The following BTNL9 variants were observed in gnomAD, a reference collection of about 807,000 sequenced individuals.
The protein encoded by BTNL9 is butyrophilin like 9, also known as butyrophilin-like protein 9.
Under a neutral mutation model 45.8 loss-of-function variants are expected in BTNL9, and 45 were observed. The ratio of observed to expected loss-of-function variants is 0.98; its 90% CI spans 0.77 to 1.26. The LOEUF (loss-of-function observed/expected upper bound fraction) is 1.26. Ranked by LOEUF, BTNL9 falls within the 50% of genes most tolerant of loss-of-function variation. The pLI is 0.00. For missense variants in BTNL9, 784 were observed against 729.7 expected (o/e 1.07, Z -0.86); for synonymous variants, 346 against 330.8 (o/e 1.05, Z -0.50).
chr5:181,058,296 C>T, intron 9 of BTNL9, 56 bp from the exon 10 acceptor site: 1 of 1,603,716 alleles, frequency 6.2e-7, no homozygotes, highest in Non-Finnish European at 8.5e-7. Flanking sequence ...CGTTAAGGTT[C>T]CAGAGTTACT....
At chr5:181,051,070 A>C (rs1451799807) in intron 4 of BTNL9, among the ~76,000 whole-genome samples, 2 of 138,520 alleles carry the variant, frequency 1.4e-5, no homozygotes, top group Non-Finnish European at 3.1e-5. Flanking sequence ...CAGAGCGAGA[A>C]TCCGTCTCAA....
In BTNL9 at chr5:181,048,017, C is replaced by T. The variant is rs1761274920; in HGVS notation, c.200C>T (p.Ala67Val). ...FPCHLWPQLD[A>V]QQMEIRWFRS... The stretch of plus-strand genomic sequence containing the variant: ...TGCCACCTATGGCCACAGCTGGATG[C>T]CCAGCAAATGGAGATCCGCTGGTTC... Residue 67 changes from alanine (A) to valine (V), a missense_variant, in exon 3 of 11, where the codon GCC becomes GTC. By Grantham distance (64) the Ala-to-Val change is moderately conservative (BLOSUM62 0). Transcript: ENST00000327705. The T allele has an allele frequency of 6.2e-7, 1 of 1,613,714 alleles. No homozygotes were observed. Among genetic ancestry groups the T allele is most frequent in the Admixed American group, 1.7e-5 (1 of 59,994 alleles).
chr5:181,046,825 G>A (rs1017104698), intron 2 of BTNL9, among the ~76,000 whole-genome samples: 1 of 152,180 alleles, frequency 6.6e-6, no homozygotes, highest in Non-Finnish European at 1.5e-5. Flanking sequence ...TGGAGCAGAG[G>A]CTTACAGGAT....
intron 4 of BTNL9, among the ~76,000 whole-genome samples, chr5:181,051,078 C>CAAAAAAAAAAAA (rs1399289272): frequency 9.0e-5 from 4 of 44,688 alleles, no homozygotes; most frequent in African/African-American, 3.4e-4. Flanking sequence ...GAATCCGTCT[C>CAAAAAAAAAAAA]AAAAAAAAAA....
rs11951358 is a variant in BTNL9, at chr5:181,055,250, G to A, written c.908-183G>A. The A allele has an allele frequency of 2.5e-3, 3,722 of 1,466,048 alleles. 90 individuals carry two copies. The African/African-American group carries it at 0.047, about 18-fold the overall frequency. 90.8% of individuals were successfully genotyped at this position (1,466,048 alleles called of 1,614,324 possible). A position where few individuals can be genotyped will look rare whatever the true frequency, so the allele number is the denominator to read the frequency against. ...AGCTAAGATAGGATGAGGCATAAGA[G>A]TCCTGCAGATGGGCCTCTTTTTGAG... On this transcript the variant is annotated intron_variant, in intron 7 of 10. Coordinates refer to ENST00000327705, the MANE Select transcript of BTNL9 (RefSeq NM_152547.5). This position sits in a 1 kb window ranked among gnomAD's most constrained non-coding sequence, Gnocchi z 4.4.
chr5:181,059,200 C>A, intron 10 of BTNL9, 37 bp from the exon 11 acceptor site: 1 of 1,479,346 alleles, frequency 6.8e-7, no homozygotes, highest in Non-Finnish European at 8.9e-7. Flanking sequence ...GGGCCCAGAC[C>A]GTCCCGGGCG....
chr5:181,053,312 C>T lies in BTNL9; in HGVS notation c.849C>T (p.Ser283=). Reference sequence around the variant, plus strand: ...GCGTCCTCCGGAAGCAGCGGAGAAGCCGAGGTACCGGCGCGGGCGGCGGGG... The same window carrying T: ...GCGTCCTCCGGAAGCAGCGGAGAAGTCGAGGTACCGGCGCGGGCGGCGGGG... ...ALGVLRKQRR[S]REKLRKQAEK... is the part of the protein sequence containing the mutation. Residue 283 remains serine, a synonymous_variant, in exon 5 of 11, where the codon AGC becomes AGT. Coordinates refer to ENST00000327705, the MANE Select transcript of BTNL9 (RefSeq NM_152547.5). This position sits in a 1 kb window ranked among gnomAD's most constrained non-coding sequence, Gnocchi z 6.5. 3 of 1,562,934 alleles carry T rather than the reference C, an allele frequency of 1.9e-6. No homozygotes were observed. In the South Asian group the frequency reaches 3.5e-5, roughly 18 times the overall value.
intron 1 of BTNL9, among the ~76,000 whole-genome samples, chr5:181,044,885 A>G (rs1761006143): frequency 6.6e-6 from 1 of 152,096 alleles, no homozygotes; most frequent in Non-Finnish European, 1.5e-5. Flanking sequence ...GCACAACTTG[A>G]GGTCCCAGGC....
chr5:181,055,560 G>A lies in BTNL9; in HGVS notation c.928+107G>A, dbSNP rs532373097. 411 of 1,294,790 alleles carry A rather than the reference G, an allele frequency of 3.2e-4. 1 individual carries two copies. Among genetic ancestry groups the A allele is most frequent in the Admixed American group, 1.2e-3 (70 of 59,296 alleles). The allele number at this position is 1,294,790 out of a possible 1,614,324, so 80.2% of individuals were successfully genotyped here. ...CGAGGCGGGTGGATCACGAGGTCAG[G>A]AGATCGAGACCAGCCTGGCTAACAC... On this transcript the variant is annotated intron_variant, in intron 8 of 10. Transcript: ENST00000327705. This position sits in a 1 kb window ranked among gnomAD's most constrained non-coding sequence, Gnocchi z 4.4.
rs765773220 is a variant in BTNL9, at chr5:181,056,020, G to A, written c.955+5G>A. The A allele has an allele frequency of 6.2e-7, 1 of 1,614,020 alleles. No homozygotes were observed. The highest frequency in any genetic ancestry group is 1.3e-5 in the African/African-American group (1 of 74,910). On this transcript the variant is annotated splice_donor_5th_base_variant and intron_variant, in intron 9 of 10. Transcript: ENST00000327705. ...GACGGGCTGAAGGCCAGGCTGGTGA[G>A]TGGAACCCATCTCTCTCTGACTCCT...
At chr5:181,054,015 C>T (rs1761736014) in intron 6 of BTNL9, 1 of 1,540,166 alleles carries the variant, frequency 6.5e-7, no homozygotes, top group Non-Finnish European at 8.7e-7. Context: ...GGAGGGAGGG[C>T]GCTGGGTCAC....
chr5:181,048,710 GAA>G (rs1761327393), intron 3 of BTNL9, among the ~76,000 whole-genome samples: 1 of 135,268 alleles, frequency 7.4e-6, no homozygotes, highest in Non-Finnish European at 1.5e-5. Context: ...ACTCTGTCTT[GAA>G]ATATATATAT....
At chr5:181,044,953 T>C (rs1761011831) in intron 1 of BTNL9, among the ~76,000 whole-genome samples, 1 of 152,234 alleles carries the variant, frequency 6.6e-6, no homozygotes, top group African/African-American at 2.4e-5. Context: ...CTGCATGCAC[T>C]CCACTTCTGA....
rs762712116 is a variant in BTNL9, at chr5:181,056,016, G to T, written c.955+1G>T. ...TGGAGACGGGCTGAAGGCCAGGCTG[G>T]TGAGTGGAACCCATCTCTCTCTGAC... On this transcript the variant is annotated splice_donor_variant, in intron 9 of 10. Transcript: ENST00000327705. LOFTEE classifies it high-confidence loss of function. The T allele has an allele frequency of 6.2e-7, 1 of 1,614,064 alleles. No individual in the cohort carries two copies. Among genetic ancestry groups the T allele is most frequent in the African/African-American group, 1.3e-5 (1 of 74,942 alleles).
chr5:181,051,065 C>T (rs954288411), intron 4 of BTNL9, among the ~76,000 whole-genome samples: 2 of 134,724 alleles, frequency 1.5e-5, no homozygotes, highest in Admixed American at 8.2e-5. Flanking sequence ...GGCAACAGAG[C>T]GAGAATCCGT....
intron 2 of BTNL9, 97 bp downstream of exon 2, chr5:181,045,695 C>A (rs1371752089): frequency 5.2e-6 from 5 of 963,522 alleles, no homozygotes; most frequent in African/African-American, 3.3e-5. Flanking sequence ...CCAGGGCGTG[C>A]CAGACGCTAA....
At chr5:181,056,678 G>A (rs1478646357) in intron 9 of BTNL9, 1 of 710,162 alleles carries the variant, frequency 1.4e-6, no homozygotes, top group East Asian at 2.7e-5. Context: ...TAACTAGGAG[G>A]GGGACTGCTG....
Position 181,055,723 on chromosome 5 carries a change from G to A in BTNL9, c.929-266G>A. ...AGCGGAGCTTGCAGTGAGCCGAGAT[G>A]GCGCCACTGCACTCCAGCCTGGGCG... On this transcript the variant is annotated intron_variant, in intron 8 of 10. Transcript: ENST00000327705. This position sits in a 1 kb window ranked among gnomAD's most constrained non-coding sequence, Gnocchi z 4.4. 2.9e-6 allele frequency: 2 copies of A among 692,732 alleles called. No homozygotes were observed. Among genetic ancestry groups the A allele is most frequent in the Non-Finnish European group, 5.2e-6 (2 of 382,358 alleles). 42.9% of individuals were successfully genotyped at this position (692,732 alleles called of 1,614,324 possible). A position where few individuals can be genotyped will look rare whatever the true frequency, so the allele number is the denominator to read the frequency against.
rs772738757 is a variant in BTNL9, at chr5:181,053,577, C to T, written c.886+76C>T. On this transcript the variant is annotated intron_variant, in intron 6 of 10. Coordinates refer to ENST00000327705, the MANE Select transcript of BTNL9 (RefSeq NM_152547.5). The surrounding 1 kb of genome is among the most constrained non-coding windows in gnomAD (Gnocchi z 6.5). ...GCCGTCATCTAAAGGCTGTGGGTCC[C>T]GTTACGAGGGTTTATTCCAGCGCGA... 11 of 1,551,122 alleles carry T rather than the reference C, an allele frequency of 7.1e-6. No homozygotes were observed. In the East Asian group the frequency reaches 1.7e-4, roughly 24 times the overall value.
Sources: allele counts gnomAD v4.1 joint callset (sites outside exome capture counted in the v4.1 genomes callset), GRCh38; gene constraint gnomAD v4.1.1; non-coding constraint Gnocchi (gnomAD v3.1); transcripts MANE v1.5; gene names NCBI Gene and HGNC (gene_info 2026-07-23, HGNC 2026-07-21).